Variants in PCDHA3 observed in about 807,000 individuals in gnomAD.
PCDHA3 encodes the protein protocadherin alpha 3, also known as protocadherin alpha-3.
In PCDHA3, 41 loss-of-function variants were observed where a neutral mutation model predicts 62.2. The ratio of observed to expected loss-of-function variants is 0.66; its 90% confidence interval spans 0.51 to 0.86. PCDHA3 has a LOEUF of 0.86. Among genes scored for constraint, PCDHA3 ranks in the 40% least tolerant of loss-of-function variants. The pLI is 0.00. For synonymous variants in PCDHA3, 640 were observed against 555.4 expected, an observed-to-expected ratio of 1.15 and a Z score of -2.14; for missense variants, 1,304 against 1,241.2, an observed-to-expected ratio of 1.05 and a Z score of -0.76.
At chr5:140,845,056 T>C (rs2150376144) in intron 1 of PCDHA3, among the ~76,000 whole-genome samples, 2 of 149,620 alleles carry the variant, frequency 1.3e-5, no homozygotes, top group South Asian at 2.1e-4. Context: ...CAACTGAAGG[T>C]AACCTCAAAG....
intron 3 of PCDHA3, among the ~76,000 whole-genome samples, chr5:140,990,685 C>T (rs1451672615): frequency 2.6e-5 from 4 of 152,252 alleles, no homozygotes; most frequent in South Asian, 4.1e-4. Context: ...AAGCTGCTTT[C>T]GGAGAGTCCA....
chr5:140,828,223 C>T (rs2150152540), intron 1 of PCDHA3: 1 of 1,613,996 alleles, frequency 6.2e-7, no homozygotes, highest in Non-Finnish European at 8.5e-7. Flanking sequence ...ACGGCACCTT[C>T]GTGGGCCGGA....
At chr5:140,851,249 A>G in intron 1 of PCDHA3, 1 of 1,094,194 alleles carries the variant, frequency 9.1e-7, no homozygotes, top group Non-Finnish European at 1.2e-6. Context: ...TAAATGATGC[A>G]TAGTATTTTA....
intron 1 of PCDHA3, chr5:140,830,224 G>A (rs2150182996): frequency 6.2e-7 from 1 of 1,613,900 alleles, no homozygotes; most frequent in Non-Finnish European, 8.5e-7. Flanking sequence ...CCAGCCTGCT[G>A]GTCCTCACGC....
intron 1 of PCDHA3, chr5:140,835,364 C>T: frequency 6.2e-7 from 1 of 1,613,892 alleles, no homozygotes; most frequent in Non-Finnish European, 8.5e-7. Flanking sequence ...ATAAAGGCTT[C>T]CCACCCCTGG....
At chr5:140,835,709 C>A (rs2150242768) in intron 1 of PCDHA3, 4 of 1,613,352 alleles carry the variant, frequency 2.5e-6, no homozygotes, top group Non-Finnish European at 3.4e-6. Flanking sequence ...CTAGCGTGTC[C>A]GTGGAGGTGG....
chr5:140,970,625 A>C (rs534910839), intron 1 of PCDHA3, among the ~76,000 whole-genome samples: 1 of 152,316 alleles, frequency 6.6e-6, no homozygotes, highest in Non-Finnish European at 1.5e-5. Context: ...CAAAAGCCAA[A>C]ATTTTGTACC....
intron 1 of PCDHA3, chr5:140,856,165 A>T: frequency 6.3e-7 from 1 of 1,598,366 alleles, no homozygotes; most frequent in South Asian, 1.1e-5. Flanking sequence ...AGGAGGCCAG[A>T]CACGGCACCT....
In PCDHA3 at chr5:140,849,870, G is replaced by T. The variant is rs2150455328; in HGVS notation, c.2394+46279G>T. ...CAACGCACCAGCGTTCGCGCAGTCC[G>T]AGTACACGGTGTTCGTGAAGGAGAA... On this transcript the variant is annotated intron_variant, in intron 1 of 3. Coordinates refer to ENST00000522353, the MANE Select transcript of PCDHA3 (RefSeq NM_018906.3). 25 of 1,598,494 alleles carry T rather than the reference G, an allele frequency of 1.6e-5. 2 individuals carry two copies. The highest frequency in any genetic ancestry group is 2.1e-5 in the Non-Finnish European group (24 of 1,167,988).
intron 1 of PCDHA3, chr5:140,813,375 T>C (rs1765280179): frequency 1.3e-5 from 2 of 152,238 alleles, no homozygotes. Context: ...AGACCTAGGT[T>C]ACATGATCTA....
At chr5:140,990,471 A>G (rs892013539) in intron 3 of PCDHA3, among the ~76,000 whole-genome samples, 4 of 152,204 alleles carry the variant, frequency 2.6e-5, no homozygotes, top group Admixed American at 1.3e-4. Context: ...GGTATCATGT[A>G]TCAAGCTGAA....
chr5:140,808,313 G>A (rs782336917), intron 1 of PCDHA3: 2 of 1,614,218 alleles, frequency 1.2e-6, no homozygotes, highest in South Asian at 1.1e-5. Flanking sequence ...CAGCGTGTCC[G>A]ACAAAGACAT....
chr5:140,984,271 A>G (rs1403531837), intron 3 of PCDHA3, among the ~76,000 whole-genome samples: 1 of 152,196 alleles, frequency 6.6e-6, no homozygotes, highest in African/African-American at 2.4e-5. Context: ...ACTAACTTTG[A>G]ATACATTCTC....
In PCDHA3 at chr5:141,012,118, T is replaced by C. The variant is rs2098422988; in HGVS notation, c.*2181T>C. 6.5e-6 allele frequency: 1 copy of C among 153,768 alleles called. No individual in the cohort carries two copies. The highest frequency in any genetic ancestry group is 2.4e-5 in the African/African-American group (1 of 41,458). The allele number at this position is 153,768 out of a possible 1,614,324, so 9.5% of individuals were successfully genotyped here. A position where few individuals can be genotyped will look rare whatever the true frequency, so the allele number is the denominator to read the frequency against. On this transcript the variant is annotated 3_prime_UTR_variant, in exon 4 of 4. Coordinates refer to ENST00000522353, the MANE Select transcript of PCDHA3 (RefSeq NM_018906.3). ...TCATTTTGCCCCACTGAAGCCCATG[T>C]ATCTGACCTTACGTGCCTTTTGAAC...
rs147252917 is a variant in PCDHA3 at position 140,835,512 on chromosome 5, C to T, written c.2394+31921C>T. On this transcript the variant is annotated intron_variant, in intron 1 of 3. Coordinates refer to ENST00000522353, the MANE Select transcript of PCDHA3 (RefSeq NM_018906.3). ...CATCACATTGATTAGCGTGTTTGAC[C>T]GAGATTTTGGAGTCAACGGACAGGT... 259 of 1,613,798 alleles carry T rather than the reference C, an allele frequency of 1.6e-4. 5 individuals carry two copies. Among genetic ancestry groups the T allele is most frequent in the Non-Finnish European group, 2.1e-4 (250 of 1,179,884 alleles).
chr5:140,942,701 G>T (rs2093357342), intron 1 of PCDHA3, among the ~76,000 whole-genome samples: 1 of 152,080 alleles, frequency 6.6e-6, no homozygotes, highest in Non-Finnish European at 1.5e-5. Flanking sequence ...TGAGAAATAT[G>T]AAGTAAAAGT....
chr5:140,850,861 C>A, intron 1 of PCDHA3: 2 of 1,592,808 alleles, frequency 1.3e-6, no homozygotes, highest in Admixed American at 3.4e-5. Flanking sequence ...ACGGGAGAAC[C>A]CTCTGCTTCC....
chr5:140,995,788 T>C (rs1327222255), intron 3 of PCDHA3, among the ~76,000 whole-genome samples: 1 of 152,154 alleles, frequency 6.6e-6, no homozygotes, highest in Non-Finnish European at 1.5e-5. Context: ...GGTTTAAAAT[T>C]TGTCTCATGT....
chr5:140,826,588 A>T (rs1554130595), intron 1 of PCDHA3, among the ~76,000 whole-genome samples: 1 of 152,184 alleles, frequency 6.6e-6, no homozygotes, highest in African/African-American at 2.4e-5. Flanking sequence ...CAAATGGATA[A>T]CATTAAGGTT....
Sources: gnomAD v4.1 joint callset for allele counts (sites outside exome capture counted in the v4.1 genomes callset) on GRCh38, gnomAD v4.1.1 for gene constraint, MANE v1.5 for transcripts, NCBI Gene and HGNC (gene_info 2026-07-23, HGNC 2026-07-21) for gene names.